MAP4: variants seen among roughly 807,000 people sequenced by gnomAD.
MAP4 encodes the protein microtubule-associated protein 4.
A neutral mutation model predicts 170.2 loss-of-function variants in MAP4; 76 were observed. The ratio of observed to expected loss-of-function variants is 0.45; its 90% CI spans 0.37 to 0.54. The LOEUF (loss-of-function observed/expected upper bound fraction) is 0.54, where lower values mean the gene tolerates loss of function less well. Ranked by LOEUF, MAP4 falls within the 20% of genes least tolerant of loss-of-function variation. The pLI, the probability that MAP4 is intolerant of heterozygous loss-of-function variation, is 0.00. For synonymous variants in MAP4, 909 were observed against 994.5 expected, an observed-to-expected ratio of 0.91 and a Z score of 1.62; for missense variants, 2,506 against 2,748.0, an observed-to-expected ratio of 0.91 and a Z score of 1.97.
At chr3:48,066,927 G>T (rs1028409139) in intron 1 of MAP4, among the ~76,000 whole-genome samples, 1 of 134,040 alleles carries the variant, frequency 7.5e-6, no homozygotes, top group Non-Finnish European at 1.5e-5. Flanking sequence ...TGCAAGCTCC[G>T]CCTCCCAGGT....
intron 2 of MAP4, among the ~76,000 whole-genome samples, chr3:47,993,828 C>G (rs1183379213): frequency 6.6e-6 from 1 of 152,106 alleles, no homozygotes; most frequent in African/African-American, 2.4e-5. Flanking sequence ...TCTGGAGAGC[C>G]AAAGAATGAC....
intron 3 of MAP4, among the ~76,000 whole-genome samples, chr3:47,972,546 T>C (rs1237930484): frequency 2.0e-5 from 3 of 152,228 alleles, no homozygotes; most frequent in Non-Finnish European, 4.4e-5. Context: ...TTTGAACTTC[T>C]TAACTTTTAT....
Position 47,855,133 on chromosome 3 carries a change from T to C in MAP4, c.6696+115A>G. 2 of 700,146 alleles carry C rather than the reference T, an allele frequency of 2.9e-6. No homozygotes were observed. The highest frequency in any genetic ancestry group is 4.3e-5 in the Admixed American group (2 of 47,058). The allele number at this position is 700,146 out of a possible 1,614,324, so 43.4% of individuals were successfully genotyped here. ...AACGGCAATGGTGTGGGTGAAGACA[T>C]GACTCCTGAAGAGACTGAGGGGCGG... On this transcript the variant is annotated intron_variant, in intron 19 of 20. Coordinates refer to ENST00000683076, the MANE Select transcript of MAP4 (RefSeq NM_001385682.1). This position sits in a 1 kb window ranked among gnomAD's most constrained non-coding sequence, Gnocchi z 5.1.
At chr3:48,056,136 G>A (rs1263109636) in intron 1 of MAP4, among the ~76,000 whole-genome samples, 3 of 144,134 alleles carry the variant, frequency 2.1e-5, no homozygotes, top group East Asian at 4.3e-4. Context: ...CCCCCCGCCC[G>A]GCCAGCCGCC....
intron 1 of MAP4, among the ~76,000 whole-genome samples, chr3:48,045,395 T>C (rs4476528): frequency 0.99 from 150,890 of 152,244 alleles, 74,790 homozygotes; most frequent in Middle Eastern, 1. Flanking sequence ...CGAGCATCTC[T>C]GCCTCCTGTC....
At position 47,875,914 on chromosome 3, in the gene MAP4, GTTGT is replaced by G. The variant is rs765261561; in HGVS notation, c.5542-18_5542-15del. 6.4e-7 allele frequency: 1 copy of G among 1,564,072 alleles called. No individual in the cohort carries two copies. Among genetic ancestry groups the G allele is most frequent in the African/African-American group, 1.4e-5 (1 of 72,060 alleles). On this transcript the variant is annotated splice_polypyrimidine_tract_variant and intron_variant, in intron 11 of 20. Transcript: ENST00000683076. Reference sequence around the variant, plus strand: ...GGTGGCCAAAGGCTTTAGGTTGATTGTTGTTTATTTTTTATTTTTATTTTTTAAA... The same window carrying G: ...GGTGGCCAAAGGCTTTAGGTTGATTGTTATTTTTTATTTTTATTTTTTAAA...
intron 9 of MAP4, among the ~76,000 whole-genome samples, chr3:47,908,115 G>A (rs948071390): frequency 2.7e-5 from 4 of 150,726 alleles, no homozygotes; most frequent in East Asian, 1.9e-4. Context: ...AAGAAATAGT[G>A]TCACTTGTAG....
At chr3:47,857,156 T>TC (rs2057955775) in intron 18 of MAP4, among the ~76,000 whole-genome samples, 1 of 152,174 alleles carries the variant, frequency 6.6e-6, no homozygotes, top group East Asian at 1.9e-4. Context: ...GTGCACCACT[T>TC]CCCCAGGCCT....
At chr3:47,919,792 C>T (rs894048150) in intron 5 of MAP4, among the ~76,000 whole-genome samples, 3 of 152,002 alleles carry the variant, frequency 2.0e-5, no homozygotes, top group Admixed American at 6.6e-5. Flanking sequence ...AGTTCCAACA[C>T]CACAACCAAC....
intron 4 of MAP4, among the ~76,000 whole-genome samples, chr3:47,923,179 C>A (rs554683956): frequency 5.7e-4 from 86 of 151,974 alleles, no homozygotes; most frequent in Middle Eastern, 3.4e-3. Flanking sequence ...TTGCTGGTTC[C>A]TGAGAATCTG....
chr3:48,068,823 T>C (rs1439267663), intron 1 of MAP4, among the ~76,000 whole-genome samples: 1 of 152,180 alleles, frequency 6.6e-6, no homozygotes, highest in African/African-American at 2.4e-5. Context: ...GCCAGGCTCC[T>C]AAGACATTCA....
At chr3:47,856,948 G>T (rs1455744113) in intron 18 of MAP4, among the ~76,000 whole-genome samples, 2 of 152,228 alleles carry the variant, frequency 1.3e-5, no homozygotes, top group African/African-American at 2.4e-5. Context: ...CCATGTTGCT[G>T]GAAGGAAACT....
At chr3:47,891,303 C>T in intron 10 of MAP4, 1 of 1,536,202 alleles carries the variant, frequency 6.5e-7, no homozygotes. Flanking sequence ...TGAGCCAATT[C>T]TTCTCTCTTC....
intron 1 of MAP4, among the ~76,000 whole-genome samples, chr3:48,013,733 G>A (rs1404701303): frequency 1.4e-5 from 2 of 141,936 alleles, no homozygotes; most frequent in African/African-American, 5.1e-5. Context: ...AAAGCTTTTT[G>A]GCAAAGGGAG....
intron 1 of MAP4, among the ~76,000 whole-genome samples, chr3:48,053,594 C>A (rs2100129047): frequency 6.6e-6 from 1 of 152,138 alleles, no homozygotes; most frequent in Admixed American, 6.6e-5. Context: ...GTTTCTAAAA[C>A]TAATGACTAA....
intron 3 of MAP4, among the ~76,000 whole-genome samples, chr3:47,930,964 T>A (rs1323899432): frequency 1.3e-5 from 2 of 150,384 alleles, no homozygotes; most frequent in African/African-American, 2.4e-5. Flanking sequence ...AATATTTCAA[T>A]AGACATTTTA....
At chr3:47,914,129 T>G (rs1026165535) in intron 8 of MAP4, among the ~76,000 whole-genome samples, 33 of 152,150 alleles carry the variant, frequency 2.2e-4, no homozygotes, top group African/African-American at 6.8e-4. Flanking sequence ...TAGAGAACAT[T>G]TGACCAATTA....
intron 1 of MAP4, among the ~76,000 whole-genome samples, chr3:48,030,923 G>T (rs184044766): frequency 1.3e-5 from 2 of 151,294 alleles, no homozygotes; most frequent in African/African-American, 4.9e-5. Flanking sequence ...AAATGAGAGA[G>T]AATAAGCAAG....
rs1399665035 is a variant in MAP4 at position 48,059,080 on chromosome 3, T to C, written c.-20+29693A>G. 2.6e-5 allele frequency among the ~76,000 whole-genome samples: 4 copies of C among 152,114 alleles called. No individual in the cohort carries two copies. The East Asian group carries it at 7.7e-4, about 29-fold the overall frequency. ...AGGTGTGAGCCACCGTGCCCGGCAT[T>C]ACAACATTATTTTAAACAGCCTTCA... On this transcript the variant is annotated intron_variant, in intron 1 of 18. Coordinates refer to the MAP4 transcript ENST00000360240.
Sources: allele counts gnomAD v4.1 joint callset (sites outside exome capture counted in the v4.1 genomes callset), GRCh38; gene constraint gnomAD v4.1.1; non-coding constraint Gnocchi (gnomAD v3.1); transcripts MANE v1.5; gene names NCBI Gene and HGNC (gene_info 2026-07-23, HGNC 2026-07-21).